The following TENM2 variants were observed in gnomAD, a reference collection of about 807,000 sequenced individuals.
TENM2 encodes the protein teneurin transmembrane protein 2, also known as teneurin-2.
Under a neutral mutation model 245.2 loss-of-function variants are expected in TENM2, and 52 were observed. That is an observed-to-expected ratio of 0.21 (90% CI 0.17 to 0.27). The LOEUF (loss-of-function observed/expected upper bound fraction) is 0.27, where lower values mean the gene tolerates loss of function less well. Ranked by LOEUF, TENM2 falls within the 10% of genes least tolerant of loss-of-function variation. TENM2 has a pLI of 1.00. For missense variants in TENM2, 3,046 were observed against 3,666.8 expected (o/e 0.83, Z 4.37); for synonymous variants, 1,363 against 1,438.9 (o/e 0.95, Z 1.19).
At chr5:168,099,539 G>A (rs955126052) in intron 9 of TENM2, among the ~76,000 whole-genome samples, 45 of 152,062 alleles carry the variant, frequency 3.0e-4, no homozygotes, top group Non-Finnish European at 5.4e-4. Flanking sequence ...TTATGCATAC[G>A]ATTTTATTTA....
chr5:167,067,758 G>C, the TENM2 span, among the ~76,000 whole-genome samples: 1 of 152,066 alleles, frequency 6.6e-6, no homozygotes, highest in Non-Finnish European at 1.5e-5. Flanking sequence ...TAATGTATTG[G>C]TCATAACCAC....
chr5:167,705,967 A>C (rs1487985015), intron 2 of TENM2, among the ~76,000 whole-genome samples: 3 of 75,570 alleles, frequency 4.0e-5, no homozygotes. Flanking sequence ...AGGCTGGGTT[A>C]TATATATATA....
chr5:167,703,699 A>G (rs1430610933), intron 2 of TENM2, among the ~76,000 whole-genome samples: 2 of 152,210 alleles, frequency 1.3e-5, no homozygotes, highest in Non-Finnish European at 2.9e-5. Context: ...CCCAAGAAGT[A>G]GTATACTAAA....
At chr5:168,072,659 T>A (rs759170377) in intron 7 of TENM2, among the ~76,000 whole-genome samples, 19 of 152,142 alleles carry the variant, frequency 1.2e-4, no homozygotes, top group Non-Finnish European at 2.1e-4. Context: ...ATCTTATCTC[T>A]CCTATGAAGT....
At chr5:167,741,127 C>T (rs1009290723) in intron 2 of TENM2, among the ~76,000 whole-genome samples, 5 of 152,182 alleles carry the variant, frequency 3.3e-5, no homozygotes, top group Admixed American at 2.6e-4. Flanking sequence ...AAAAAGCCTT[C>T]CCTGAAGTTA....
At chr5:167,733,419 C>T (rs946031818) in intron 2 of TENM2, among the ~76,000 whole-genome samples, 1 of 152,084 alleles carries the variant, frequency 6.6e-6, no homozygotes, top group African/African-American at 2.4e-5. Flanking sequence ...AAAGTAACAT[C>T]GAATGTGAAA....
At chr5:167,376,922 T>G (rs1269452707) in intron 2 of TENM2, among the ~76,000 whole-genome samples, 16 of 152,206 alleles carry the variant, frequency 1.1e-4, no homozygotes, top group Admixed American at 1.0e-3. Context: ...TAAAATCACT[T>G]GTAATCCAAG....
At chr5:168,252,248 C>T (rs1161211473) in intron 27 of TENM2, among the ~76,000 whole-genome samples, 3 of 151,646 alleles carry the variant, frequency 2.0e-5, no homozygotes, top group Non-Finnish European at 2.9e-5. Context: ...TGTAGTGGTG[C>T]ACACCCGTGG....
intron 2 of TENM2, among the ~76,000 whole-genome samples, chr5:167,439,087 C>A (rs1463198087): frequency 2.0e-5 from 3 of 152,208 alleles, no homozygotes; most frequent in Admixed American, 2.0e-4. Flanking sequence ...AGCCGCCGCA[C>A]CGGGCCGCCA....
intron 2 of TENM2, among the ~76,000 whole-genome samples, chr5:167,819,857 A>G (rs1767372375): frequency 6.6e-6 from 1 of 152,198 alleles, no homozygotes; most frequent in South Asian, 2.1e-4. Context: ...ATGGGGCACC[A>G]AGGAGCATTT....
At chr5:167,078,555 A>C in the TENM2 span, among the ~76,000 whole-genome samples, 1 of 152,192 alleles carries the variant, frequency 6.6e-6, no homozygotes, top group African/African-American at 2.4e-5. Flanking sequence ...TGGGTATAAT[A>C]TTACAATCAT....
chr5:168,134,554 G>A (rs1021401447), intron 12 of TENM2, among the ~76,000 whole-genome samples: 2 of 152,094 alleles, frequency 1.3e-5, no homozygotes, highest in African/African-American at 4.8e-5. Context: ...GGGTGTGGTG[G>A]CGAGCACCTG....
intron 2 of TENM2, among the ~76,000 whole-genome samples, chr5:167,446,789 A>ACG (rs550028451): frequency 6.5e-3 from 523 of 80,168 alleles, no homozygotes; most frequent in Non-Finnish European, 7.8e-3. Flanking sequence ...AGTTTTTGAA[A>ACG]CACGCACACA....
At chr5:167,321,801 TGGGGGGGGGGGCGGGGG>T (rs1161645257) in intron 1 of TENM2, among the ~76,000 whole-genome samples, 1 of 7,282 alleles carries the variant, frequency 1.4e-4, no homozygotes, top group Non-Finnish European at 2.9e-4. Flanking sequence ...TTTTTTTTTT[TGGGGGGGGGGGCGGGGG>T]GGGGGGTGGA....
rs139921068 is a variant in TENM2, at chr5:167,568,528, C to A, written c.502+193055C>A. 6.2e-4 allele frequency among the ~76,000 whole-genome samples: 95 copies of A among 152,036 alleles called. 2 individuals carry two copies. The highest frequency in any genetic ancestry group is 2.1e-3 in the African/African-American group (89 of 41,474). ...ACACGCTGACTTCATGAAGTTTATG[C>A]AAATATTTCAAGACAGTAAGTGTGT... On this transcript the variant is annotated intron_variant, in intron 2 of 28. Transcript: ENST00000518659.
At chr5:168,023,384 A>T (rs1194852951) in intron 5 of TENM2, among the ~76,000 whole-genome samples, 1 of 152,160 alleles carries the variant, frequency 6.6e-6, no homozygotes, top group African/African-American at 2.4e-5. Flanking sequence ...TGATGGGAAG[A>T]TGAGCGCCTG....
the TENM2 span, among the ~76,000 whole-genome samples, chr5:167,120,372 A>G: frequency 6.6e-6 from 1 of 152,208 alleles, no homozygotes; most frequent in Admixed American, 6.5e-5. Flanking sequence ...GGCTGGAAAC[A>G]ATGAGGAGGC....
At chr5:168,187,853 C>G (rs1760612843) in intron 13 of TENM2, 1 of 152,146 alleles carries the variant, frequency 6.6e-6, no homozygotes, top group Non-Finnish European at 1.5e-5. Context: ...TGGGGAGTAT[C>G]CGATTCAGCC....
At chr5:167,857,386 C>T (rs754745956) in intron 2 of TENM2, among the ~76,000 whole-genome samples, 4 of 152,282 alleles carry the variant, frequency 2.6e-5, no homozygotes, top group Admixed American at 6.5e-5. Context: ...TGCAGGGCCT[C>T]GAGTGTATTA....
Sources: gnomAD v4.1 joint callset for allele counts (sites outside exome capture counted in the v4.1 genomes callset) on GRCh38, gnomAD v4.1.1 for gene constraint, MANE v1.5 for transcripts, NCBI Gene and HGNC (gene_info 2026-07-23, HGNC 2026-07-21) for gene names.